Variants in SPSB4 observed in about 807,000 individuals in gnomAD.
SPSB4 encodes the protein SPRY domain-containing SOCS box protein 4.
A neutral mutation model predicts 20.9 loss-of-function variants in SPSB4; 21 were observed. The observed-to-expected ratio is 1.01, with a 90% CI of 0.71 to 1.45. SPSB4 has a LOEUF of 1.45. SPSB4 is among the 40% of genes most tolerant of loss of function. The pLI, the probability that SPSB4 is intolerant of heterozygous loss-of-function variation, is 0.00. For missense variants in SPSB4, 399 were observed against 399.2 expected (o/e 1.00, Z 0.00); for synonymous variants, 207 against 183.8 (o/e 1.13, Z -1.02).
intron 2 of SPSB4, among the ~76,000 whole-genome samples, chr3:141,082,344 C>G (rs1938248661): frequency 6.6e-6 from 1 of 152,210 alleles, no homozygotes; most frequent in Non-Finnish European, 1.5e-5. Flanking sequence ...GGGCCAGGCT[C>G]TCATCTGCAT....
At chr3:141,131,587 C>T (rs1377179217) in intron 2 of SPSB4, among the ~76,000 whole-genome samples, 1 of 152,060 alleles carries the variant, frequency 6.6e-6, no homozygotes, top group East Asian at 1.9e-4. Context: ...ATACAGAAGA[C>T]GTCACACAAA....
chr3:141,121,722 C>T (rs1415825590), intron 2 of SPSB4, among the ~76,000 whole-genome samples: 1 of 152,178 alleles, frequency 6.6e-6, no homozygotes, highest in African/African-American at 2.4e-5. Flanking sequence ...GAAGCTTGTG[C>T]ATGTGTCACA....
At chr3:141,057,606 G>T (rs547263523) in intron 1 of SPSB4, among the ~76,000 whole-genome samples, 5 of 152,200 alleles carry the variant, frequency 3.3e-5, no homozygotes, top group African/African-American at 9.7e-5. Flanking sequence ...GCCCCAGTCC[G>T]ATGGGAGGGA....
intron 2 of SPSB4, among the ~76,000 whole-genome samples, chr3:141,078,928 T>C (rs1358658170): frequency 6.6e-6 from 1 of 152,202 alleles, no homozygotes; most frequent in East Asian, 1.9e-4. Flanking sequence ...GTTTGTTGAA[T>C]GAGCTGCTGC....
intron 2 of SPSB4, among the ~76,000 whole-genome samples, chr3:141,069,935 A>G (rs1937964501): frequency 6.6e-6 from 1 of 152,240 alleles, no homozygotes; most frequent in South Asian, 2.1e-4. Context: ...AGACTTAGAA[A>G]GGGCTCACTA....
chr3:141,066,772 C>T lies in SPSB4; in HGVS notation c.668C>T (p.Thr223Ile), dbSNP rs1399709290. The change falls in exon 2 of 3, where the codon ACC becomes ATC. Residue 223 changes from threonine (T) to isoleucine (I), a missense_variant. By Grantham distance (89) the Thr-to-Ile change is moderately conservative. Transcript: ENST00000310546. Reference sequence around the variant, plus strand: ...GCCGTGTGGGGCCACTGTGAAGTCACCATGCGCTACATCAACGGCCTTGAC... The same window carrying T: ...GCCGTGTGGGGCCACTGTGAAGTCATCATGCGCTACATCAACGGCCTTGAC... The part of the protein sequence containing the change: ...VSAVWGHCEV[T>I]MRYINGLDPE... 1 of 1,567,514 alleles carries T rather than the reference C, an allele frequency of 6.4e-7. No homozygotes were observed. The highest frequency in any genetic ancestry group is 2.3e-5 in the East Asian group (1 of 44,282).
chr3:141,107,031 G>C (rs1045706385), intron 2 of SPSB4, among the ~76,000 whole-genome samples: 1 of 152,174 alleles, frequency 6.6e-6, no homozygotes. Context: ...CCACTCTCAT[G>C]GGCCCCACTG....
intron 2 of SPSB4, among the ~76,000 whole-genome samples, chr3:141,100,752 G>C (rs891738952): frequency 2.0e-5 from 3 of 152,220 alleles, no homozygotes; most frequent in Non-Finnish European, 4.4e-5. Flanking sequence ...CAAGGGTGGA[G>C]AGGCGGCAGG....
chr3:141,139,704 A>G (rs1367042101), intron 2 of SPSB4, among the ~76,000 whole-genome samples: 2 of 152,220 alleles, frequency 1.3e-5, no homozygotes, highest in African/African-American at 4.8e-5. Context: ...CCGAGAGATC[A>G]GCTGTTAGTC....
At chr3:141,120,736 C>T (rs1323251867) in intron 2 of SPSB4, among the ~76,000 whole-genome samples, 1 of 152,104 alleles carries the variant, frequency 6.6e-6, no homozygotes, top group East Asian at 1.9e-4. Flanking sequence ...ATTGCGACCC[C>T]TGCCTTTTTT....
At chr3:141,053,442 T>C (rs1936130680) in intron 1 of SPSB4, among the ~76,000 whole-genome samples, 1 of 152,188 alleles carries the variant, frequency 6.6e-6, no homozygotes, top group Non-Finnish European at 1.5e-5. Context: ...CTCCAGTTTG[T>C]ATTTCTCGTT....
chr3:141,091,210 A>G (rs1180281592), intron 2 of SPSB4, among the ~76,000 whole-genome samples: 2 of 152,222 alleles, frequency 1.3e-5, no homozygotes, highest in Non-Finnish European at 2.9e-5. Flanking sequence ...TCCCCTGGCG[A>G]AGGAGGGTGG....
At chr3:141,111,936 C>T (rs890613397) in intron 2 of SPSB4, among the ~76,000 whole-genome samples, 2 of 152,178 alleles carry the variant, frequency 1.3e-5, no homozygotes, top group African/African-American at 4.8e-5. Flanking sequence ...GAGACCCCAC[C>T]CTCCACTCTG....
At position 141,147,153 on chromosome 3, in the gene SPSB4, C is replaced by A; in HGVS notation, c.706C>A (p.Pro236Thr). Reference sequence around the variant, plus strand: ...CCCTCTCATTGCAGCCGAGCCCCTGCCACTGATGGACCTGTGCCGGAGATC... The same window carrying A: ...CCCTCTCATTGCAGCCGAGCCCCTGACACTGATGGACCTGTGCCGGAGATC... ...YINGLDPEPLPLMDLCRRSIR... is the reference protein window; with the variant it reads ...YINGLDPEPLTLMDLCRRSIR... Residue 236 changes from proline to threonine, a missense_variant, in exon 3 of 3, where the codon CCA becomes ACA. Coordinates refer to ENST00000310546, the MANE Select transcript of SPSB4 (RefSeq NM_080862.3). The A allele has an allele frequency of 3.1e-6, 5 of 1,614,130 alleles. No individual in the cohort carries two copies. Among genetic ancestry groups the A allele is most frequent in the Non-Finnish European group, 3.4e-6 (4 of 1,180,036 alleles).
At chr3:141,099,119 A>G (rs969200093) in intron 2 of SPSB4, among the ~76,000 whole-genome samples, 8 of 130,352 alleles carry the variant, frequency 6.1e-5, no homozygotes, top group African/African-American at 2.1e-4. Flanking sequence ...ATACTGTTAC[A>G]ATGGCAATTA....
At chr3:141,054,826 G>A (rs1156320659) in intron 1 of SPSB4, among the ~76,000 whole-genome samples, 1 of 152,204 alleles carries the variant, frequency 6.6e-6, no homozygotes, top group African/African-American at 2.4e-5. Context: ...TTAGCCCGGC[G>A]TGGCGGCTTG....
At chr3:141,067,130 G>A (rs1235376591) in intron 2 of SPSB4, among the ~76,000 whole-genome samples, 1 of 152,222 alleles carries the variant, frequency 6.6e-6, no homozygotes, top group East Asian at 1.9e-4. Context: ...GGCTTTGAGT[G>A]TTGATGCCAA....
At chr3:141,131,840 G>A (rs1251157654) in intron 2 of SPSB4, among the ~76,000 whole-genome samples, 2 of 152,172 alleles carry the variant, frequency 1.3e-5, no homozygotes, top group South Asian at 4.1e-4. Context: ...TCTGTTAGGT[G>A]TTTACCCAGG....
chr3:141,131,408 T>C (rs1213957212), intron 2 of SPSB4, among the ~76,000 whole-genome samples: 1 of 152,196 alleles, frequency 6.6e-6, no homozygotes, highest in East Asian at 1.9e-4. Flanking sequence ...TTAAGGGTGC[T>C]GCTTGATGAT....
Sources: gnomAD v4.1 joint callset for allele counts (sites outside exome capture counted in the v4.1 genomes callset) on GRCh38, gnomAD v4.1.1 for gene constraint, MANE v1.5 for transcripts, NCBI Gene and HGNC (gene_info 2026-07-23, HGNC 2026-07-21) for gene names.